Variants in DCUN1D2 observed in about 807,000 individuals in gnomAD.
The protein encoded by DCUN1D2 is DCN1-like protein 2.
In DCUN1D2, 29 loss-of-function variants were observed where a neutral mutation model predicts 30.9. The ratio of observed to expected loss-of-function variants is 0.94; its 90% confidence interval spans 0.70 to 1.28. DCUN1D2 has a LOEUF of 1.28. Ranked by LOEUF, DCUN1D2 falls within the 50% of genes most tolerant of loss-of-function variation. The pLI is 0.00. For missense variants in DCUN1D2, 325 were observed against 316.9 expected (o/e 1.03, Z -0.19); for synonymous variants, 121 against 115.3 (o/e 1.05, Z -0.32).
intron 3 of DCUN1D2, among the ~76,000 whole-genome samples, chr13:113,479,324 C>T (rs549252176): frequency 2.4e-4 from 37 of 152,196 alleles, no homozygotes; most frequent in African/African-American, 7.9e-4. Flanking sequence ...TACATAAAAA[C>T]GTAAGTGTGA....
In DCUN1D2 at chr13:113,490,620, AC is replaced by A; in HGVS notation, c.3+46del. ...CCGCCTGCGCCGACCTTGGGGCCCG[AC>A]CCCGACCCCGACCCCGACGGGCAGA... On this transcript the variant is annotated intron_variant, in intron 1 of 6. Transcript: ENST00000478244. The surrounding 1 kb of genome is among the most constrained non-coding windows in gnomAD (Gnocchi z 5.2). 8.3e-7 allele frequency: 1 copy of A among 1,211,258 alleles called. No homozygotes were observed. Among genetic ancestry groups the A allele is most frequent in the Non-Finnish European group, 1.0e-6 (1 of 973,900 alleles). 75.0% of individuals were successfully genotyped at this position (1,211,258 alleles called of 1,614,324 possible).
intron 6 of DCUN1D2, among the ~76,000 whole-genome samples, chr13:113,458,559 C>G (rs2044265263): frequency 6.6e-6 from 1 of 152,252 alleles, no homozygotes; most frequent in African/African-American, 2.4e-5. Context: ...AGCTCCTGCA[C>G]TGCTGCCTCA....
intron 3 of DCUN1D2, chr13:113,476,217 C>T (rs1052800303): frequency 2.0e-5 from 3 of 152,198 alleles, no homozygotes; most frequent in African/African-American, 7.2e-5. Flanking sequence ...TGTGAACGTA[C>T]CACGTCAGGC....
In DCUN1D2 at chr13:113,483,919, G is replaced by A. The variant is rs1320049791; in HGVS notation, c.141C>T (p.Asn47=). The stretch of plus-strand genomic sequence containing the variant: ...TGGACTCCCTGTGGAGCGAGTCTGG[G>A]TTTTGGAAGAAGCTGTCCGTGGCCT... ...LDEATDSFFQ[N]PDSLHRESMR... The change falls in exon 2 of 7, where the codon AAC becomes AAT. Residue 47 remains asparagine, a synonymous_variant. Coordinates refer to ENST00000478244, the MANE Select transcript of DCUN1D2 (RefSeq NM_001014283.2). The A allele has an allele frequency of 1.2e-6, 2 of 1,614,050 alleles. No individual in the cohort carries two copies. The highest frequency in any genetic ancestry group is 1.7e-6 in the Non-Finnish European group (2 of 1,180,050).
intron 4 of DCUN1D2, among the ~76,000 whole-genome samples, chr13:113,471,258 AGGGACCCAACTCCACAG>A (rs1275352648): frequency 6.3e-5 from 6 of 95,572 alleles, no homozygotes; most frequent in African/African-American, 1.6e-4. Flanking sequence ...CAACTTCACA[AGGGACCCAACTCCACAG>A]GGGACCCAAC....
chr13:113,477,289 T>A (rs2044633437), intron 3 of DCUN1D2, among the ~76,000 whole-genome samples: 1 of 152,236 alleles, frequency 6.6e-6, no homozygotes, highest in Non-Finnish European at 1.5e-5. Flanking sequence ...TTTATTCAGG[T>A]CTTCTTTCCT....
chr13:113,461,272 C>T (rs2044313925), intron 4 of DCUN1D2, 136 bp from the exon 5 acceptor site: 1 of 614,132 alleles, frequency 1.6e-6, no homozygotes. Flanking sequence ...GAGGCTTAAT[C>T]TCTACGGAAG....
At chr13:113,458,144 G>C in intron 6 of DCUN1D2, 36 bp from the exon 7 acceptor site, 2 of 1,570,604 alleles carry the variant, frequency 1.3e-6, no homozygotes, top group South Asian at 1.1e-5. Context: ...ACCCGTTAGA[G>C]CACCGTTTTT....
chr13:113,462,688 G>A, intron 4 of DCUN1D2: 1 of 933,772 alleles, frequency 1.1e-6, no homozygotes. Flanking sequence ...AAGAAAGAGA[G>A]AGTCAGAAAG....
intron 4 of DCUN1D2, among the ~76,000 whole-genome samples, chr13:113,472,256 C>T (rs775960731): frequency 2.6e-5 from 4 of 151,912 alleles, no homozygotes; most frequent in Non-Finnish European, 5.9e-5. Flanking sequence ...ATCTGTAGTC[C>T]TGACTGTGGT....
rs2139666672 is a variant in DCUN1D2 at position 113,457,575 on chromosome 13, A to G, written c.*454T>C. On this transcript the variant is annotated 3_prime_UTR_variant, in exon 7 of 7. Transcript: ENST00000478244. Reference sequence around the variant, plus strand: ...GACAAGATCCTCTCCCTTAGGGCACATTCTTAACAGCTTTGACGTGTATAA... The same window carrying G: ...GACAAGATCCTCTCCCTTAGGGCACGTTCTTAACAGCTTTGACGTGTATAA... The G allele has an allele frequency of 6.5e-6, 1 of 153,564 alleles. No homozygotes were observed. Among genetic ancestry groups the G allele is most frequent in the East Asian group, 1.9e-4 (1 of 5,224 alleles). The allele number at this position is 153,564 out of a possible 1,614,324, so 9.5% of individuals were successfully genotyped here. A position where few individuals can be genotyped will look rare whatever the true frequency, so the allele number is the denominator to read the frequency against.
rs552081604 is a variant in DCUN1D2, at chr13:113,472,199, G to A, written c.520+1925C>T. ...TGTGCCCGTGAGAACCAGAGCAGGA[G>A]AAGGGAAACACAGCTGCAATACAGA... On this transcript the variant is annotated intron_variant, in intron 4 of 6. Transcript: ENST00000478244. Among the ~76,000 whole-genome samples, 15 of 152,204 alleles carry A rather than the reference G, an allele frequency of 9.9e-5. No homozygotes were observed. In the South Asian group the frequency reaches 1.0e-3, roughly 11 times the overall value.
chr13:113,457,860 T>A lies in DCUN1D2; in HGVS notation c.*169A>T. The A allele has an allele frequency of 1.5e-6, 1 of 663,744 alleles. No individual in the cohort carries two copies. Among genetic ancestry groups the A allele is most frequent in the South Asian group, 1.8e-5 (1 of 54,596 alleles). The allele number at this position is 663,744 out of a possible 1,614,324, so 41.1% of individuals were successfully genotyped here. ...GTGTCCCGAGGAACTTCCTGCGGTG[T>A]CCACAAAGCAGCCGCTGGCTGTCCT... is the stretch of plus-strand genomic sequence containing the variant. On this transcript the variant is annotated 3_prime_UTR_variant, in exon 7 of 7. Transcript: ENST00000478244.
chr13:113,455,841 C>T lies in DCUN1D2; in HGVS notation c.*2188G>A, dbSNP rs2044217712. On this transcript the variant is annotated 3_prime_UTR_variant, in exon 7 of 7. Coordinates refer to ENST00000478244, the MANE Select transcript of DCUN1D2 (RefSeq NM_001014283.2). ...ACGCCCGAGAAAAACCAATTTAATG[C>T]TTCTGTTCTCAGCATTTCACAGCAT... 5.9e-6 allele frequency: 1 copy of T among 169,324 alleles called. No individual in the cohort carries two copies. The highest frequency in any genetic ancestry group is 2.0e-4 in the South Asian group (1 of 4,962). 10.5% of individuals were successfully genotyped at this position (169,324 alleles called of 1,614,324 possible). A position where few individuals can be genotyped will look rare whatever the true frequency, so the allele number is the denominator to read the frequency against.
At chr13:113,462,670 G>T in intron 4 of DCUN1D2, 1 of 849,174 alleles carries the variant, frequency 1.2e-6, no homozygotes, top group Non-Finnish European at 1.4e-6. Context: ...CCTGGAGTCT[G>T]AATCAGAAAG....
At chr13:113,480,448 A>G (rs540423338) in intron 3 of DCUN1D2, 127 bp downstream of exon 3, 210 of 966,614 alleles carry the variant, frequency 2.2e-4, no homozygotes, top group Non-Finnish European at 7.3e-5. Context: ...GTACAGACGC[A>G]TAAGAAATTT....
intron 4 of DCUN1D2, among the ~76,000 whole-genome samples, chr13:113,467,635 C>G (rs190047832): frequency 6.6e-6 from 1 of 152,116 alleles, no homozygotes; most frequent in African/African-American, 2.4e-5. Context: ...GTTGGATGCT[C>G]AGCTTCGTTG....
chr13:113,484,138 C>T (rs965132871), intron 1 of DCUN1D2, 82 bp from the exon 2 acceptor site: 16 of 1,582,068 alleles, frequency 1.0e-5, no homozygotes, highest in Non-Finnish European at 1.4e-5. Flanking sequence ...TGCACTTTAA[C>T]TGGGCAGAAT....
intron 4 of DCUN1D2, among the ~76,000 whole-genome samples, chr13:113,465,514 A>G (rs893883495): frequency 6.6e-6 from 1 of 151,172 alleles, no homozygotes; most frequent in Non-Finnish European, 1.5e-5. Flanking sequence ...AAAAAAAAAC[A>G]AACAAACCCT....
Sources: allele counts gnomAD v4.1 joint callset (sites outside exome capture counted in the v4.1 genomes callset), GRCh38; gene constraint gnomAD v4.1.1; non-coding constraint Gnocchi (gnomAD v3.1); transcripts MANE v1.5; gene names NCBI Gene and HGNC (gene_info 2026-07-23, HGNC 2026-07-21).